GPHN: variants seen among roughly 807,000 people sequenced by gnomAD.
GPHN encodes the protein gephyrin.
A neutral mutation model predicts 95.5 loss-of-function variants in GPHN; 17 were observed. The ratio of observed to expected loss-of-function variants is 0.18; its 90% confidence interval spans 0.12 to 0.27. The LOEUF (loss-of-function observed/expected upper bound fraction) is 0.27, where lower values mean the gene tolerates loss of function less well. Ranked by LOEUF, GPHN falls within the 10% of genes least tolerant of loss-of-function variation. GPHN has a pLI of 1.00. For synonymous variants in GPHN, 320 were observed against 322.5 expected (o/e 0.99, Z 0.08); for missense variants, 660 against 978.1 (o/e 0.67, Z 4.34).
the GPHN span, among the ~76,000 whole-genome samples, chr14:67,366,305 C>G: frequency 9.2e-5 from 14 of 152,222 alleles, no homozygotes; most frequent in Middle Eastern, 3.4e-3. Flanking sequence ...GAACTGGGCT[C>G]AAGCGATTCT....
the GPHN span, among the ~76,000 whole-genome samples, chr14:67,431,169 T>A: frequency 0.13 from 19,711 of 151,408 alleles, 1,343 homozygotes; most frequent in African/African-American, 0.15. Flanking sequence ...CCGAGGCGGG[T>A]GGATCACGAG....
chr14:66,514,411 T>A (rs1022989786), intron 1 of GPHN, among the ~76,000 whole-genome samples: 4 of 152,030 alleles, frequency 2.6e-5, no homozygotes, highest in African/African-American at 9.7e-5. Context: ...CTAGTAAAGT[T>A]TTGTAACCTT....
intron 1 of GPHN, among the ~76,000 whole-genome samples, chr14:66,537,942 C>T (rs1281510434): frequency 1.3e-5 from 2 of 152,158 alleles, no homozygotes; most frequent in African/African-American, 4.8e-5. Context: ...ATCCTCCTAC[C>T]TTATCCTCTC....
intron 4 of GPHN, among the ~76,000 whole-genome samples, chr14:66,866,976 T>C (rs1244650461): frequency 6.6e-6 from 1 of 152,100 alleles, no homozygotes; most frequent in Non-Finnish European, 1.5e-5. Context: ...ATTTGTACTC[T>C]TTTCTTCCTG....
At chr14:67,359,744 G>T in the GPHN span, 1 of 1,610,250 alleles carries the variant, frequency 6.2e-7, no homozygotes, top group Non-Finnish European at 8.5e-7. Context: ...GGCAACCGAG[G>T]CTGCAATAGC....
At chr14:66,578,308 T>C (rs1328875352) in intron 1 of GPHN, among the ~76,000 whole-genome samples, 3 of 151,636 alleles carry the variant, frequency 2.0e-5, no homozygotes, top group Non-Finnish European at 4.4e-5. Flanking sequence ...TGAGAAAGTC[T>C]GTGAGAATTA....
chr14:66,823,383 A>G (rs2061275111), intron 3 of GPHN: 1 of 152,220 alleles, frequency 6.6e-6, no homozygotes, highest in South Asian at 2.1e-4. Context: ...AATGAAGCAC[A>G]GACAATTGAA....
At chr14:67,328,385 C>CT in the GPHN span, among the ~76,000 whole-genome samples, 1 of 152,140 alleles carries the variant, frequency 6.6e-6, no homozygotes, top group Non-Finnish European at 1.5e-5. Context: ...GATATTAGCC[C>CT]TTTGTCAGAT....
At chr14:67,703,334 T>G in the GPHN span, among the ~76,000 whole-genome samples, 1 of 152,230 alleles carries the variant, frequency 6.6e-6, no homozygotes, top group Non-Finnish European at 1.5e-5. Flanking sequence ...TTAAAAATCT[T>G]TTATCCTTTT....
At chr14:66,930,696 T>G (rs1425637709) in intron 8 of GPHN, among the ~76,000 whole-genome samples, 1 of 152,020 alleles carries the variant, frequency 6.6e-6, no homozygotes, top group African/African-American at 2.4e-5. Flanking sequence ...CAACTAATTT[T>G]TGTATTTTTT....
At chr14:67,330,284 G>A in the GPHN span, among the ~76,000 whole-genome samples, 3 of 151,166 alleles carry the variant, frequency 2.0e-5, no homozygotes, top group African/African-American at 4.9e-5. Flanking sequence ...ACTATAATTT[G>A]CACTTGCTTT....
the GPHN span, chr14:67,343,335 A>G: frequency 6.6e-7 from 1 of 1,523,736 alleles, no homozygotes; most frequent in Admixed American, 1.7e-5. Context: ...GAGGGTATGG[A>G]CAAGTGACAA....
chr14:66,645,703 A>G (rs190850598), intron 1 of GPHN, among the ~76,000 whole-genome samples: 1,834 of 151,786 alleles, frequency 0.012, 22 homozygotes, highest in Non-Finnish European at 0.018. Context: ...AAAAAAAAAA[A>G]AAAGAAAATT....
At chr14:67,594,295 G>A in the GPHN span, among the ~76,000 whole-genome samples, 1 of 151,910 alleles carries the variant, frequency 6.6e-6, no homozygotes, top group South Asian at 2.1e-4. Flanking sequence ...GCTGCAGTGA[G>A]CTATGATCAT....
intron 10 of GPHN, among the ~76,000 whole-genome samples, chr14:67,047,277 T>C (rs115828433): frequency 0.026 from 3,961 of 151,964 alleles, 154 homozygotes; most frequent in African/African-American, 0.087. Flanking sequence ...GTTTCTGCTA[T>C]GTTCTCTCCT....
chr14:66,726,517 A>G (rs922978492), intron 2 of GPHN, among the ~76,000 whole-genome samples: 2 of 152,092 alleles, frequency 1.3e-5, no homozygotes, highest in East Asian at 3.8e-4. Flanking sequence ...TCTTCTAGGG[A>G]TGTTTAAGAT....
chr14:67,352,570 T>C, the GPHN span, among the ~76,000 whole-genome samples: 1 of 152,172 alleles, frequency 6.6e-6, no homozygotes, highest in African/African-American at 2.4e-5. Context: ...CAGCCTCTCT[T>C]AAGAGACTAG....
the GPHN span, among the ~76,000 whole-genome samples, chr14:67,331,915 G>GTT: frequency 7.0e-6 from 1 of 143,290 alleles, no homozygotes; most frequent in East Asian, 2.5e-4. Flanking sequence ...GCCATATTCA[G>GTT]ATGTACAACA....
chr14:67,586,668 G>A, the GPHN span: 1 of 497,690 alleles, frequency 2.0e-6, no homozygotes. Context: ...TGACTCCCGT[G>A]TGATTAACTG....
Sources: gnomAD v4.1 joint callset for allele counts (sites outside exome capture counted in the v4.1 genomes callset) on GRCh38, gnomAD v4.1.1 for gene constraint, MANE v1.5 for transcripts, NCBI Gene and HGNC (gene_info 2026-07-23, HGNC 2026-07-21) for gene names.